CDCA5: variants seen among roughly 807,000 people sequenced by gnomAD.
The protein encoded by CDCA5 is sororin.
A neutral mutation model predicts 25.7 loss-of-function variants in CDCA5; 14 were observed. That is an observed-to-expected ratio of 0.54 (90% CI 0.36 to 0.85). CDCA5 has a LOEUF of 0.85. Among genes scored for constraint, CDCA5 ranks in the 40% least tolerant of loss-of-function variants. CDCA5 has a pLI of 0.01. For missense variants in CDCA5, 307 were observed against 324.5 expected (o/e 0.95, Z 0.41); for synonymous variants, 127 against 128.7 (o/e 0.99, Z 0.09).
At chr11:65,067,886 A>G in intron 3 of CDCA5, 1 of 844,686 alleles carries the variant, frequency 1.2e-6, no homozygotes, top group South Asian at 1.5e-5. Context: ...TGCACGGGCC[A>G]GGACTGAGTC....
At chr11:65,064,769 C>T (rs1385065956), downstream of CDCA5, among the ~76,000 whole-genome samples, 2 of 152,042 alleles carry the variant, frequency 1.3e-5, no homozygotes, top group African/African-American at 2.4e-5. Context: ...GCCTGTAATC[C>T]CAGCATGTTG....
At chr11:65,080,847 G>T (rs1367554983) in intron 4 of CDCA5, among the ~76,000 whole-genome samples, 2 of 152,222 alleles carry the variant, frequency 1.3e-5, no homozygotes, top group African/African-American at 4.8e-5. Flanking sequence ...AGAAAATTCA[G>T]TATTATGTTA....
At chr11:65,081,080 C>CTG (rs1947555071) in intron 4 of CDCA5, among the ~76,000 whole-genome samples, 1 of 152,086 alleles carries the variant, frequency 6.6e-6, no homozygotes, top group South Asian at 2.1e-4. Flanking sequence ...AACAAGGAGG[C>CTG]CAGTGTGGCT....
chr11:65,081,360 G>A (rs542431179), intron 4 of CDCA5, among the ~76,000 whole-genome samples: 5 of 152,050 alleles, frequency 3.3e-5, no homozygotes, highest in East Asian at 1.9e-4. Flanking sequence ...CCTGGGAGGC[G>A]GAGGTTGCAG....
chr11:65,068,083 C>G (rs1487011886), exon 3 of CDCA5: 30 of 1,289,216 alleles, frequency 2.3e-5, no homozygotes, highest in Non-Finnish European at 2.4e-5. Flanking sequence ...TAAACAGGAA[C>G]GTGACGGTGG....
At chr11:65,079,211 A>G in intron 5 of CDCA5, 24 bp from the exon 6 acceptor site, 6 of 1,539,496 alleles carry the variant, frequency 3.9e-6, no homozygotes, top group Non-Finnish European at 5.2e-6. Context: ...AATGAGGAGC[A>G]GGTGAGTGAG....
intron 1 of CDCA5, among the ~76,000 whole-genome samples, chr11:65,070,390 G>A (rs1947317499): frequency 6.6e-6 from 1 of 152,246 alleles, no homozygotes; most frequent in Non-Finnish European, 1.5e-5. Context: ...ACGGTGGTAT[G>A]GGCTGGGTAC....
chr11:65,068,119 C>T lies in CDCA5; in HGVS notation c.178-1G>A, dbSNP rs1296687447. The T allele has an allele frequency of 6.2e-6, 8 of 1,289,010 alleles. No homozygotes were observed. 79.8% of individuals were successfully genotyped at this position (1,289,010 alleles called of 1,614,324 possible). On this transcript the variant is annotated splice_acceptor_variant, in intron 2 of 6. Coordinates refer to the CDCA5 transcript ENST00000525464. LOFTEE classifies it high-confidence loss of function. ...GTTCCAGTTGTTCTGAGGAAGGTGGCTTTGCAGAGAAAGCGCCAAGGTGAC... is the reference window on the plus strand; with the variant it reads ...GTTCCAGTTGTTCTGAGGAAGGTGGTTTTGCAGAGAAAGCGCCAAGGTGAC...
At chr11:65,081,623 C>T (rs1369098546) in intron 4 of CDCA5, among the ~76,000 whole-genome samples, 2 of 152,008 alleles carry the variant, frequency 1.3e-5, no homozygotes, top group Non-Finnish European at 2.9e-5. Flanking sequence ...TGCCTGTGTT[C>T]TTAGAGGGGG....
chr11:65,065,876 C>G (rs1590783070), downstream of CDCA5, among the ~76,000 whole-genome samples: 1 of 151,896 alleles, frequency 6.6e-6, no homozygotes, highest in Admixed American at 6.6e-5. Context: ...CCTCTCTCTG[C>G]CCCCCAACCC....
downstream of CDCA5, chr11:65,077,416 G>A (rs1262932116): frequency 2.2e-5 from 22 of 980,418 alleles, no homozygotes; most frequent in South Asian, 9.4e-5. Flanking sequence ...CCTTACCTTC[G>A]GCTCTGCCTT....
intron 4 of CDCA5, among the ~76,000 whole-genome samples, chr11:65,083,011 A>C (rs1947604896): frequency 6.6e-6 from 1 of 152,174 alleles, no homozygotes; most frequent in Non-Finnish European, 1.5e-5. Context: ...ATCCTTTGAT[A>C]ATAACTTCTG....
downstream of CDCA5, among the ~76,000 whole-genome samples, chr11:65,074,972 G>A (rs509151): frequency 4.1e-5 from 6 of 147,772 alleles, no homozygotes; most frequent in Non-Finnish European, 8.9e-5. Flanking sequence ...TGAGGCAGGA[G>A]AATCGCTTGA....
At chr11:65,066,581 G>C (rs1947241943) in exon 6 of CDCA5, 1 of 1,289,286 alleles carries the variant, frequency 7.8e-7, no homozygotes, top group Admixed American at 2.3e-5. Context: ...GCAGGGCCTG[G>C]CTTTCCTCCT....
intron 4 of CDCA5, among the ~76,000 whole-genome samples, chr11:65,080,484 G>A (rs1947543288): frequency 6.6e-6 from 1 of 152,104 alleles, no homozygotes; most frequent in South Asian, 2.1e-4. Context: ...CACGATCATG[G>A]CTCACTGAAG....
Position 65,078,880 on chromosome 11 carries a change from G to A in CDCA5, c.*227C>T. 1 of 1,240,604 alleles carries A rather than the reference G, an allele frequency of 8.1e-7. No homozygotes were observed. Among genetic ancestry groups the A allele is most frequent in the East Asian group, 3.1e-5 (1 of 32,102 alleles). 76.8% of individuals were successfully genotyped at this position (1,240,604 alleles called of 1,614,324 possible). On this transcript the variant is annotated 3_prime_UTR_variant, in exon 6 of 6. Coordinates refer to ENST00000275517, the MANE Select transcript of CDCA5 (RefSeq NM_080668.4). The stretch of plus-strand genomic sequence containing the variant: ...GGAGATAGGAAGGACAGGACGACAA[G>A]AGACAGGACACCAGTGAGTGGCTGG...
downstream of CDCA5, among the ~76,000 whole-genome samples, chr11:65,061,500 C>T (rs534022026): frequency 3.9e-5 from 6 of 152,252 alleles, no homozygotes; most frequent in East Asian, 7.7e-4. Flanking sequence ...ATAGGCCAGG[C>T]GCGGTGGCTC....
intron 1 of CDCA5, among the ~76,000 whole-genome samples, chr11:65,071,187 C>A (rs560836424): frequency 2.0e-4 from 30 of 151,760 alleles, no homozygotes; most frequent in African/African-American, 6.0e-4. Flanking sequence ...CATGATCTGC[C>A]CGCCTTGGCC....
chr11:65,061,138 C>T, the CDCA5 span, among the ~76,000 whole-genome samples: 2 of 152,188 alleles, frequency 1.3e-5, no homozygotes, highest in Admixed American at 1.3e-4. Context: ...GCACCCTTGC[C>T]CCTGGATGTG....
Sources: gnomAD v4.1 joint callset for allele counts (sites outside exome capture counted in the v4.1 genomes callset) on GRCh38, gnomAD v4.1.1 for gene constraint, MANE v1.5 for transcripts, NCBI Gene and HGNC (gene_info 2026-07-23, HGNC 2026-07-21) for gene names.